Variants in CECR2 observed in about 807,000 individuals in gnomAD.
The protein encoded by CECR2 is CECR2 histone acetyl-lysine reader.
CECR2 carries 30 observed loss-of-function variants against 154.5 expected under a neutral mutation model. The ratio of observed to expected loss-of-function variants is 0.19; its 90% CI spans 0.15 to 0.26. The LOEUF is 0.26. Ranked by LOEUF, CECR2 falls within the 10% of genes least tolerant of loss-of-function variation. The probability of loss-of-function intolerance (pLI) is 1.00; values close to 1 mark genes in which losing one functional copy is unlikely to be tolerated. For synonymous variants in CECR2, 725 were observed against 683.7 expected (o/e 1.06, Z -0.94); for missense variants, 1,743 against 1,829.3 (o/e 0.95, Z 0.86).
chr22:17,504,633 G>C (rs1477001879), intron 6 of CECR2, among the ~76,000 whole-genome samples: 1 of 150,980 alleles, frequency 6.6e-6, no homozygotes, highest in Non-Finnish European at 1.5e-5. Flanking sequence ...AGTAGAGACG[G>C]GGTTTCACCG....
upstream of CECR2, among the ~76,000 whole-genome samples, chr22:17,366,188 TTTTTC>T (rs942552702): frequency 6.2e-4 from 94 of 152,028 alleles, 1 homozygote; most frequent in African/African-American, 2.2e-3. Context: ...TGAGCTGTGT[TTTTTC>T]TTTTTTCTTT....
upstream of CECR2, among the ~76,000 whole-genome samples, chr22:17,365,828 G>T (rs1048769428): frequency 6.6e-6 from 1 of 151,792 alleles, no homozygotes; most frequent in South Asian, 2.1e-4. Flanking sequence ...CCACTCCACT[G>T]CAGCCTGGAC....
intron 3 of CECR2, among the ~76,000 whole-genome samples, chr22:17,498,173 G>A (rs1435755864): frequency 1.3e-5 from 2 of 152,106 alleles, no homozygotes; most frequent in Non-Finnish European, 2.9e-5. Context: ...GGCAGATCAC[G>A]AAGTCAGGAG....
intron 1 of CECR2, among the ~76,000 whole-genome samples, chr22:17,398,625 G>A (rs1159110871): frequency 6.6e-6 from 1 of 152,172 alleles, no homozygotes; most frequent in African/African-American, 2.4e-5. Flanking sequence ...TTACTTAACA[G>A]CCCTTACACT....
At chr22:17,482,871 C>T (rs1039175890) in intron 2 of CECR2, among the ~76,000 whole-genome samples, 4 of 151,338 alleles carry the variant, frequency 2.6e-5, no homozygotes, top group South Asian at 2.1e-4. Context: ...TTAGTAGAGA[C>T]GGAGTTTCAC....
intron 16 of CECR2, among the ~76,000 whole-genome samples, chr22:17,544,422 T>C (rs1353739409): frequency 5.3e-5 from 7 of 131,028 alleles, no homozygotes; most frequent in African/African-American, 2.1e-4. Context: ...GGTGTGAACC[T>C]GGGAGGGAGA....
chr22:17,464,452 CCAACATTTGTTATGCTTATTACAT>C (rs1443198817), intron 1 of CECR2, among the ~76,000 whole-genome samples: 4 of 152,184 alleles, frequency 2.6e-5, no homozygotes, highest in African/African-American at 9.6e-5. Flanking sequence ...TTGGCAGCTA[CCAACATTTGTTATGCTTATTACAT>C]TTTTAAGGAA....
intron 1 of CECR2, among the ~76,000 whole-genome samples, chr22:17,421,351 C>A (rs186946465): frequency 6.6e-6 from 1 of 151,992 alleles, no homozygotes; most frequent in African/African-American, 2.4e-5. Flanking sequence ...CGCGGTGGCT[C>A]ATGCCTGTAA....
At chr22:17,498,915 C>T (rs2055683541) in intron 3 of CECR2, among the ~76,000 whole-genome samples, 1 of 152,054 alleles carries the variant, frequency 6.6e-6, no homozygotes, top group South Asian at 2.1e-4. Context: ...AAGTAGGTAC[C>T]ACCTTCCCAT....
intron 1 of CECR2, among the ~76,000 whole-genome samples, chr22:17,444,178 G>T (rs1001315992): frequency 1.3e-5 from 2 of 152,126 alleles, no homozygotes; most frequent in African/African-American, 2.4e-5. Flanking sequence ...GGCCCTGGTG[G>T]TTTCTTTTCA....
rs1355205842 is a variant in CECR2, at chr22:17,369,590, C to T, written c.-194C>T. 2 of 146,944 alleles carry T rather than the reference C, an allele frequency of 1.4e-5. No individual in the cohort carries two copies. The highest frequency in any genetic ancestry group is 2.4e-5 in the African/African-American group (1 of 40,884). The allele number at this position is 146,944 out of a possible 1,614,324, so 9.1% of individuals were successfully genotyped here. ...CCGCAGCCGCCTCAGTAGTTCGGGC[C>T]CCCGCGCCGCCGCCCCCCGCCCGGC... On this transcript the variant is annotated 5_prime_UTR_variant, in exon 1 of 19. Transcript: ENST00000262608.
At chr22:17,389,497 T>TG (rs1471698509) in intron 1 of CECR2, among the ~76,000 whole-genome samples, 1 of 152,104 alleles carries the variant, frequency 6.6e-6, no homozygotes, top group Non-Finnish European at 1.5e-5. Context: ...TCTTTTGAGG[T>TG]GGGGTCTCAC....
At position 17,553,370 on chromosome 22, in the gene CECR2, T is replaced by C. The variant is rs568623311; in HGVS notation, c.*530T>C. The C allele has an allele frequency of 1.3e-5, 2 of 152,876 alleles. No homozygotes were observed. The highest frequency in any genetic ancestry group is 3.9e-4 in the East Asian group (2 of 5,194). 9.5% of individuals were successfully genotyped at this position (152,876 alleles called of 1,614,324 possible). The stretch of plus-strand genomic sequence containing the variant: ...ATAAAGTGGGAAGGGTGGGTGGGGA[T>C]GCGGAAGAAATGGGGGTCCTAACTG... On this transcript the variant is annotated 3_prime_UTR_variant, in exon 19 of 19. Coordinates refer to ENST00000262608, the MANE Select transcript of CECR2 (RefSeq NM_001290047.2).
chr22:17,386,457 G>C (rs2063262348), intron 1 of CECR2, among the ~76,000 whole-genome samples: 1 of 152,150 alleles, frequency 6.6e-6, no homozygotes, highest in Admixed American at 6.6e-5. Flanking sequence ...GTATTGAAGA[G>C]GTCAGTTGTA....
rs1486313824 is a variant in CECR2, at chr22:17,548,504, A to G, written c.3217A>G (p.Ser1073Gly). Residue 1073 changes from serine to glycine, a missense_variant, in exon 17 of 19, where the codon AGC (serine) becomes GGC (glycine). Coordinates refer to ENST00000262608, the MANE Select transcript of CECR2 (RefSeq NM_001290047.2). The part of the protein sequence containing the change: ...PCGSEGKGLG[S>G]SGSEKLLCPR... ...TGGATCGGAGGGGAAGGGCCTTGGTAGCAGTGGTTCCGAAAAGCTGCTCTG... is the reference window on the plus strand; with the variant it reads ...TGGATCGGAGGGGAAGGGCCTTGGTGGCAGTGGTTCCGAAAAGCTGCTCTG... 3.1e-6 allele frequency: 5 copies of G among 1,613,838 alleles called. No individual in the cohort carries two copies. The highest frequency in any genetic ancestry group is 4.2e-6 in the Non-Finnish European group (5 of 1,179,846).
At chr22:17,366,564 G>C, upstream of CECR2, among the ~76,000 whole-genome samples, 1 of 152,130 alleles carries the variant, frequency 6.6e-6, no homozygotes. Context: ...AAGTACAATA[G>C]CACTCCGAAT....
intron 7 of CECR2, among the ~76,000 whole-genome samples, chr22:17,506,763 C>T (rs1042334123): frequency 1.3e-5 from 2 of 152,178 alleles, no homozygotes; most frequent in African/African-American, 4.8e-5. Flanking sequence ...AAGCGATTCT[C>T]ATGCCTCAGC....
At chr22:17,386,531 T>C (rs999869770) in intron 1 of CECR2, among the ~76,000 whole-genome samples, 4 of 152,304 alleles carry the variant, frequency 2.6e-5, no homozygotes, top group Admixed American at 2.6e-4. Flanking sequence ...ATCAATCCCC[T>C]TCTTTGTGCC....
At chr22:17,536,641 G>A (rs1023455800) in intron 9 of CECR2, among the ~76,000 whole-genome samples, 6 of 152,200 alleles carry the variant, frequency 3.9e-5, no homozygotes, top group East Asian at 1.9e-4. Flanking sequence ...TGGGACGTGC[G>A]TTTAAAATCC....
Sources: gnomAD v4.1 joint callset for allele counts (sites outside exome capture counted in the v4.1 genomes callset) on GRCh38, gnomAD v4.1.1 for gene constraint, MANE v1.5 for transcripts, NCBI Gene and HGNC (gene_info 2026-07-23, HGNC 2026-07-21) for gene names.